BPTF: variants seen among roughly 807,000 people sequenced by gnomAD.
BPTF encodes the protein bromodomain PHD finger transcription factor, also known as nucleosome-remodeling factor subunit BPTF.
BPTF carries 18 observed loss-of-function variants against 292.5 expected under a neutral mutation model. That is an observed-to-expected ratio of 0.06 (90% CI 0.04 to 0.09). The LOEUF (loss-of-function observed/expected upper bound fraction) is 0.09, where lower values mean the gene tolerates loss of function less well. Among genes scored for constraint, BPTF ranks in the 10% least tolerant of loss-of-function variants. The pLI, the probability that BPTF is intolerant of heterozygous loss-of-function variation, is 1.00. For missense variants in BPTF, 2,726 were observed against 3,498.7 expected, an observed-to-expected ratio of 0.78 and a Z score of 5.57; for synonymous variants, 1,225 against 1,251.9, an observed-to-expected ratio of 0.98 and a Z score of 0.45.
In BPTF at chr17:67,912,931, T is replaced by G; in HGVS notation, c.5047T>G (p.Ser1683Ala). The G allele has an allele frequency of 6.2e-7, 1 of 1,614,148 alleles. No homozygotes were observed. Among genetic ancestry groups the G allele is most frequent in the Non-Finnish European group, 8.5e-7 (1 of 1,180,006 alleles). ...ATCTATGACTGTGAGCAAAGAGTAT[T>G]CCACACGAGACAAAGTGAAACTGAT... ...VTSMTVSKEY[S>A]TRDKVKLMKF... Residue 1683 changes from serine (S) to alanine (A), a missense_variant, in exon 11 of 28, where the codon TCC (serine) becomes GCC (alanine). This residue lies in a region of BPTF where 144 missense variants were observed against 177.2 expected (regional missense o/e 0.81). Transcript: ENST00000306378.
intron 1 of BPTF, among the ~76,000 whole-genome samples, chr17:67,853,396 C>T (rs1404617290): frequency 6.6e-6 from 1 of 152,082 alleles, no homozygotes; most frequent in Non-Finnish European, 1.5e-5. Flanking sequence ...GCCCATGCTT[C>T]GCTGTGGAAC....
Position 67,948,200 on chromosome 17 carries a change from A to C in BPTF, c.7820A>C (p.Asn2607Thr). Residue 2607 changes from asparagine to threonine, a missense_variant, in exon 23 of 28, where the codon AAT becomes ACT. Asn to Thr is a moderately conservative substitution (Grantham distance 65). This residue lies in a region of BPTF where 26 missense variants were observed against 60.6 expected (regional missense o/e 0.43). Coordinates refer to ENST00000306378, the MANE Select transcript of BPTF (RefSeq NM_182641.4). ...GTGGAGCAGAAACGTAGCAAGCAGAATGCCACTAAGCTGTCAGCTCTGCTC... is the reference window on the plus strand; with the variant it reads ...GTGGAGCAGAAACGTAGCAAGCAGACTGCCACTAAGCTGTCAGCTCTGCTC... ...ESVEQKRSKQ[N>T]ATKLSALLFK... 6.2e-7 allele frequency: 1 copy of C among 1,614,206 alleles called. No individual in the cohort carries two copies. Among genetic ancestry groups the C allele is most frequent in the Non-Finnish European group, 8.5e-7 (1 of 1,180,036 alleles).
Position 67,913,026 on chromosome 17 carries a change from G to A in BPTF, c.5142G>A (p.Lys1714=), listed in dbSNP as rs1285302980. Residue 1714 remains lysine, a synonymous_variant, in exon 11 of 28, where the codon AAG becomes AAA. Coordinates refer to ENST00000306378, the MANE Select transcript of BPTF (RefSeq NM_182641.4). ...CATCCTATAGAAAATTTGTTACCAA[G>A]AGCAGCAAGAAGAGCATTTTTGTTT... ...ALPSYRKFVT[K]SSKKSIFVLP... 1 of 1,614,198 alleles carries A rather than the reference G, an allele frequency of 6.2e-7. No individual in the cohort carries two copies. Among genetic ancestry groups the A allele is most frequent in the Non-Finnish European group, 8.5e-7 (1 of 1,180,036 alleles).
At chr17:67,980,415 T>G (rs2070202567) in intron 27 of BPTF, among the ~76,000 whole-genome samples, 1 of 152,198 alleles carries the variant, frequency 6.6e-6, no homozygotes, top group Non-Finnish European at 1.5e-5. Flanking sequence ...GGATTTCAGA[T>G]GGAGTTAAGG....
intron 3 of BPTF, among the ~76,000 whole-genome samples, chr17:67,872,380 T>C (rs935551851): frequency 1.3e-5 from 2 of 152,136 alleles, no homozygotes; most frequent in African/African-American, 4.8e-5. Context: ...GTAGGGAGGA[T>C]GTACAATGAT....
rs2060487407 is a variant in BPTF at position 67,882,519 on chromosome 17, T to C, written c.1864+7499T>C. On this transcript the variant is annotated intron_variant, in intron 4 of 27. Coordinates refer to ENST00000306378, the MANE Select transcript of BPTF (RefSeq NM_182641.4). ...TTTGCTTTATCCCAATACAGGGTAT[T>C]CCTATCCTAATGTGCATTAATAATA... Among the ~76,000 whole-genome samples, 5 of 152,374 alleles carry C rather than the reference T, an allele frequency of 3.3e-5. No homozygotes were observed. In the South Asian group the frequency reaches 1.0e-3, roughly 32 times the overall value.
chr17:67,925,673 A>G (rs1189905269), intron 15 of BPTF, among the ~76,000 whole-genome samples: 2 of 152,232 alleles, frequency 1.3e-5, no homozygotes, highest in South Asian at 2.1e-4. Context: ...AGATATATCT[A>G]TATACAGTAT....
intron 23 of BPTF, chr17:67,957,348 A>C (rs2067058565): frequency 6.6e-6 from 1 of 152,322 alleles, no homozygotes; most frequent in Non-Finnish European, 1.5e-5. Flanking sequence ...GAGAGACTAT[A>C]AATCATGATG....
At chr17:67,865,031 C>T (rs1190862847) in intron 2 of BPTF, among the ~76,000 whole-genome samples, 1 of 152,094 alleles carries the variant, frequency 6.6e-6, no homozygotes, top group African/African-American at 2.4e-5. Context: ...TGGTCTCGAT[C>T]TCCTGACCTT....
At chr17:67,861,340 C>CTTTT (rs568176532) in intron 2 of BPTF, among the ~76,000 whole-genome samples, 1 of 135,102 alleles carries the variant, frequency 7.4e-6, no homozygotes, top group Non-Finnish European at 1.6e-5. Flanking sequence ...AAGATTTTTT[C>CTTTT]TTTTTTTTTT....
chr17:67,964,872 G>A (rs1276165077), intron 25 of BPTF, among the ~76,000 whole-genome samples: 60 of 150,942 alleles, frequency 4.0e-4, no homozygotes, highest in African/African-American at 1.2e-3. Flanking sequence ...GGTGGCGGGC[G>A]CCTGTAGTCC....
Position 67,922,846 on chromosome 17 carries a change from C to T in BPTF, c.5564C>T (p.Pro1855Leu), listed in dbSNP as rs776623543. 5 of 1,603,292 alleles carry T rather than the reference C, an allele frequency of 3.1e-6. No homozygotes were observed. Among genetic ancestry groups the T allele is most frequent in the South Asian group, 1.1e-5 (1 of 88,378 alleles). ...IGVPETPKET[P>L]TPQRKGLRSS... ...TCTGATTTCCTTTCCAAAGAAACGC[C>T]TACACCTCAGAGGAAAGGCCTTCGA... Residue 1855 changes from proline (P) to leucine (L), a missense_variant, in exon 14 of 28, where the codon CCT becomes CTT. Coordinates refer to ENST00000306378, the MANE Select transcript of BPTF (RefSeq NM_182641.4).
intron 1 of BPTF, among the ~76,000 whole-genome samples, chr17:67,844,489 C>T (rs1374588385): frequency 4.6e-5 from 7 of 151,880 alleles, no homozygotes; most frequent in Admixed American, 1.3e-4. Context: ...CCTCGTGATC[C>T]GCCCGCCTTG....
chr17:67,884,498 CT>C (rs1048966039), intron 4 of BPTF, among the ~76,000 whole-genome samples: 18 of 152,046 alleles, frequency 1.2e-4, no homozygotes, highest in African/African-American at 4.3e-4. Context: ...TCACTGCAGC[CT>C]CTGGCTCTTG....
At chr17:67,942,209 G>A in intron 19 of BPTF, among the ~76,000 whole-genome samples, 1 of 152,030 alleles carries the variant, frequency 6.6e-6, no homozygotes. Flanking sequence ...CCAGCTGCTT[G>A]GGAGGCTGAG....
intron 18 of BPTF, among the ~76,000 whole-genome samples, chr17:67,935,241 A>G (rs975039712): frequency 2.6e-5 from 4 of 152,112 alleles, no homozygotes; most frequent in South Asian, 2.1e-4. Context: ...TGGGCAATGT[A>G]GTGAGACCCC....
chr17:67,949,163 C>G (rs530747955), intron 23 of BPTF, among the ~76,000 whole-genome samples: 2 of 152,124 alleles, frequency 1.3e-5, no homozygotes, highest in East Asian at 3.8e-4. Flanking sequence ...CCCAGGAGTT[C>G]AAGATCAGCC....
At chr17:67,935,365 T>A (rs1471656207) in intron 18 of BPTF, among the ~76,000 whole-genome samples, 1 of 152,058 alleles carries the variant, frequency 6.6e-6, no homozygotes, top group East Asian at 1.9e-4. Context: ...AGGTCAAGGC[T>A]GCAGTGAGCC....
At chr17:67,884,606 G>C (rs576679683) in intron 4 of BPTF, among the ~76,000 whole-genome samples, 1 of 152,030 alleles carries the variant, frequency 6.6e-6, no homozygotes, top group East Asian at 1.9e-4. Context: ...CGTAGTGATG[G>C]AGTTTCACCG....
Sources: gnomAD v4.1 joint callset for allele counts (sites outside exome capture counted in the v4.1 genomes callset) on GRCh38, gnomAD v4.1.1 for gene constraint, gnomAD v4.1.1 regional missense constraint, MANE v1.5 for transcripts, NCBI Gene and HGNC (gene_info 2026-07-23, HGNC 2026-07-21) for gene names.